GTPBP8: variants seen among roughly 807,000 people sequenced by gnomAD.
GTPBP8 encodes GTP-binding protein 8.
Under a neutral mutation model 27.3 loss-of-function variants are expected in GTPBP8, and 21 were observed. The observed-to-expected ratio is 0.77, with a 90% CI of 0.55 to 1.11. The LOEUF (loss-of-function observed/expected upper bound fraction) is 1.11, where lower values mean the gene tolerates loss of function less well. Among genes scored for constraint, GTPBP8 ranks in the 50% least tolerant of loss-of-function variants. The pLI, the probability that GTPBP8 is intolerant of heterozygous loss-of-function variation, is 0.00. For missense variants in GTPBP8, 380 were observed against 350.8 expected, an observed-to-expected ratio of 1.08 and a Z score of -0.67; for synonymous variants, 147 against 135.3, an observed-to-expected ratio of 1.09 and a Z score of -0.60.
rs761739323 is a variant in GTPBP8, at chr3:112,995,251, A to G, written c.552A>G (p.Leu184=). The change falls in exon 3 of 6, where the codon CTA becomes CTG. Residue 184 remains leucine, a synonymous_variant. Coordinates refer to ENST00000383678, the MANE Select transcript of GTPBP8 (RefSeq NM_014170.4). ...EDFVDMVETY[L]KERRNLKRTF... Reference sequence around the variant, plus strand: ...TTGTTGACATGGTAGAGACCTATCTAAAAGAACGAAGGAAGTAAGGAAAAG... The same window carrying G: ...TTGTTGACATGGTAGAGACCTATCTGAAAGAACGAAGGAAGTAAGGAAAAG... The G allele has an allele frequency of 1.1e-5, 17 of 1,591,472 alleles. No homozygotes were observed. Among genetic ancestry groups the G allele is most frequent in the Non-Finnish European group, 1.4e-5 (16 of 1,170,938 alleles).
intron 3 of GTPBP8, 61 bp downstream of exon 3, chr3:112,995,326 T>C (rs901035167): frequency 8.0e-6 from 9 of 1,118,890 alleles, no homozygotes; most frequent in Non-Finnish European, 9.2e-6. Flanking sequence ...TTTTCATCAG[T>C]AGAGTATTAT....
chr3:112,998,138 A>G (rs1225497021), intron 4 of GTPBP8, among the ~76,000 whole-genome samples: 1 of 152,094 alleles, frequency 6.6e-6, no homozygotes, highest in African/African-American at 2.4e-5. Flanking sequence ...TACCACAACA[A>G]TTAACACAGA....
At chr3:112,999,425 T>C in intron 4 of GTPBP8, 21 bp from the exon 5 acceptor site, 1 of 882,446 alleles carries the variant, frequency 1.1e-6, no homozygotes, top group Non-Finnish European at 1.8e-6. Context: ...TTCTAATGCA[T>C]AAAAATTTGT....
chr3:112,991,021 C>G lies in GTPBP8; in HGVS notation c.22C>G (p.Leu8Val), dbSNP rs746394566. The G allele has an allele frequency of 6.3e-7, 1 of 1,596,594 alleles. No individual in the cohort carries two copies. The highest frequency in any genetic ancestry group is 8.6e-7 in the Non-Finnish European group (1 of 1,168,212). MAAPGLR[L>V]GAGRLFEMPA... Reference sequence around the variant, plus strand: ...GAGAATGGCGGCGCCCGGGCTGCGGCTGGGAGCGGGAAGACTCTTTGAAAT... The same window carrying G: ...GAGAATGGCGGCGCCCGGGCTGCGGGTGGGAGCGGGAAGACTCTTTGAAAT... The change falls in exon 1 of 6, where the codon CTG becomes GTG. Residue 8 changes from leucine (L) to valine (V), a missense_variant. Physicochemically the swap from Leu to Val is conservative, Grantham distance 32 (BLOSUM62 1). Transcript: ENST00000383678.
intron 1 of GTPBP8, 92 bp downstream of exon 1, chr3:112,991,427 G>C: frequency 3.6e-6 from 4 of 1,123,782 alleles, no homozygotes; most frequent in Non-Finnish European, 5.4e-6. Flanking sequence ...TTTTGCGGTT[G>C]TATTTTCTAG....
At chr3:112,996,785 G>T in intron 3 of GTPBP8, 107 bp from the exon 4 acceptor site, 1 of 648,088 alleles carries the variant, frequency 1.5e-6, no homozygotes, top group Non-Finnish European at 2.7e-6. Flanking sequence ...TTTAATTTTG[G>T]AATGAGAATT....
At chr3:112,997,071 A>T (rs910255678) in intron 4 of GTPBP8, 80 bp downstream of exon 4, 2 of 696,824 alleles carry the variant, frequency 2.9e-6, no homozygotes, top group Non-Finnish European at 5.1e-6. Flanking sequence ...ACCTTTTAAC[A>T]ATTGAGCTTG....
Position 112,991,213 on chromosome 3 carries a change from G to C in GTPBP8, c.214G>C (p.Asp72His). The change falls in exon 1 of 6, where the codon GAC becomes CAC. Residue 72 changes from aspartate to histidine, a missense_variant. Transcript: ENST00000383678. ...GCAAGACCTTCACCTGCGTATCTTT[G>C]ACCCAAGCCCGGAGGACATAGCCAG... ...GRQDLHLRIF[D>H]PSPEDIARAD... The C allele has an allele frequency of 2.5e-6, 4 of 1,614,154 alleles. No homozygotes were observed. Among genetic ancestry groups the C allele is most frequent in the Middle Eastern group, 1.6e-4 (1 of 6,062 alleles).
Position 112,991,019 on chromosome 3 carries a change from G to A in GTPBP8, c.20G>A (p.Arg7Gln), listed in dbSNP as rs781571473. ...GGGAGAATGGCGGCGCCCGGGCTGC[G>A]GCTGGGAGCGGGAAGACTCTTTGAA... MAAPGL[R>Q]LGAGRLFEMP... The change falls in exon 1 of 6, where the codon CGG (arginine) becomes CAG (glutamine). Residue 7 changes from arginine to glutamine, a missense_variant. Physicochemically the swap from Arg to Gln is conservative, Grantham distance 43. Transcript: ENST00000383678. 1.9e-6 allele frequency: 3 copies of A among 1,595,736 alleles called. No homozygotes were observed. Among genetic ancestry groups the A allele is most frequent in the Non-Finnish European group, 2.6e-6 (3 of 1,167,752 alleles).
chr3:113,000,944 CAAAAAA>C lies in GTPBP8; in HGVS notation c.*36_*41del. On this transcript the variant is annotated 3_prime_UTR_variant, in exon 6 of 6. Transcript: ENST00000383678. ...ATGGTTCCCGGTTTAGCTGAAGATT[CAAAAAA>C]AAAAAAAAAAGCTTTATGCTAACTG... The C allele has an allele frequency of 2.5e-6, 2 of 814,958 alleles. No individual in the cohort carries two copies. The highest frequency in any genetic ancestry group is 1.9e-6 in the Non-Finnish European group (1 of 535,478). 50.5% of individuals were successfully genotyped at this position (814,958 alleles called of 1,614,324 possible).
intron 1 of GTPBP8, chr3:112,991,811 C>T: frequency 4.0e-6 from 1 of 249,358 alleles, no homozygotes. Context: ...ATGAGATGGT[C>T]CTTATCAATA....
In GTPBP8 at chr3:113,000,943, TCAA is replaced by T; in HGVS notation, c.*25_*27del. 1 of 1,106,760 alleles carries T rather than the reference TCAA, an allele frequency of 9.0e-7. No individual in the cohort carries two copies. Among genetic ancestry groups the T allele is most frequent in the Non-Finnish European group, 1.3e-6 (1 of 776,528 alleles). The allele number at this position is 1,106,760 out of a possible 1,614,324, so 68.6% of individuals were successfully genotyped here. A position where few individuals can be genotyped will look rare whatever the true frequency, so the allele number is the denominator to read the frequency against. ...AATGGTTCCCGGTTTAGCTGAAGATTCAAAAAAAAAAAAAAAAGCTTTATGCTA... is the reference window on the plus strand; with the variant it reads ...AATGGTTCCCGGTTTAGCTGAAGATTAAAAAAAAAAAAAAGCTTTATGCTA... On this transcript the variant is annotated 3_prime_UTR_variant, in exon 6 of 6. Coordinates refer to ENST00000383678, the MANE Select transcript of GTPBP8 (RefSeq NM_014170.4).
intron 1 of GTPBP8, chr3:112,992,137 C>T (rs1933694295): frequency 6.6e-6 from 1 of 152,258 alleles, no homozygotes; most frequent in African/African-American, 2.4e-5. Context: ...ATTTAAGCTT[C>T]TAAATTACTG....
At chr3:113,000,179 G>C (rs1156830797) in intron 5 of GTPBP8, among the ~76,000 whole-genome samples, 1 of 152,072 alleles carries the variant, frequency 6.6e-6, no homozygotes, top group East Asian at 1.9e-4. Flanking sequence ...ACCTGAGGTC[G>C]GGAGTCCAAA....
At chr3:112,992,251 A>G (rs1933697144) in intron 1 of GTPBP8, 1 of 152,224 alleles carries the variant, frequency 6.6e-6, no homozygotes, top group African/African-American at 2.4e-5. Flanking sequence ...AGATCAATTA[A>G]TTTTGAAGAA....
intron 2 of GTPBP8, among the ~76,000 whole-genome samples, chr3:112,993,943 G>A (rs1304361930): frequency 2.6e-5 from 4 of 152,218 alleles, no homozygotes; most frequent in Non-Finnish European, 4.4e-5. Context: ...CTTCTAAGTA[G>A]AGTGATCTCC....
Position 112,991,004 on chromosome 3 carries a change from C to G in GTPBP8, c.5C>G (p.Ala2Gly). 6.3e-7 allele frequency: 1 copy of G among 1,589,016 alleles called. No homozygotes were observed. The highest frequency in any genetic ancestry group is 1.3e-5 in the African/African-American group (1 of 74,338). M[A>G]APGLRLGAGR... is the part of the protein sequence containing the mutation. Reference sequence around the variant, plus strand: ...CCCGTCTTCTGGGAAGGGAGAATGGCGGCGCCCGGGCTGCGGCTGGGAGCG... The same window carrying G: ...CCCGTCTTCTGGGAAGGGAGAATGGGGGCGCCCGGGCTGCGGCTGGGAGCG... Residue 2 changes from alanine (A) to glycine (G), a missense_variant, in exon 1 of 6, where the codon GCG becomes GGG. Transcript: ENST00000383678.
At chr3:112,994,189 C>T (rs925215905) in intron 2 of GTPBP8, among the ~76,000 whole-genome samples, 3 of 152,032 alleles carry the variant, frequency 2.0e-5, no homozygotes, top group East Asian at 1.9e-4. Flanking sequence ...TTGGGGAGGC[C>T]GAGGCTGGCC....
chr3:112,996,752 A>G (rs1243812809), intron 3 of GTPBP8, 140 bp from the exon 4 acceptor site: 1 of 608,082 alleles, frequency 1.6e-6, no homozygotes, highest in Admixed American at 3.0e-5. Flanking sequence ...CAAATTGAGA[A>G]TTCCTGTTGC....
Sources: allele counts gnomAD v4.1 joint callset (sites outside exome capture counted in the v4.1 genomes callset), GRCh38; gene constraint gnomAD v4.1.1; transcripts MANE v1.5; gene names NCBI Gene and HGNC (gene_info 2026-07-23, HGNC 2026-07-21).